NCOA2: variants seen among roughly 807,000 people sequenced by gnomAD.
NCOA2 encodes the protein nuclear receptor coactivator 2, also known as class E basic helix-loop-helix protein 75.
In NCOA2, 21 loss-of-function variants were observed where a neutral mutation model predicts 145.1. The ratio of observed to expected loss-of-function variants is 0.14; its 90% CI spans 0.10 to 0.21. The LOEUF (loss-of-function observed/expected upper bound fraction) is 0.21, where lower values mean the gene tolerates loss of function less well. Ranked by LOEUF, NCOA2 falls within the 10% of genes least tolerant of loss-of-function variation. The pLI is 1.00. For missense variants in NCOA2, 1,472 were observed against 1,837.6 expected, an observed-to-expected ratio of 0.80 and a Z score of 3.64; for synonymous variants, 619 against 637.5, an observed-to-expected ratio of 0.97 and a Z score of 0.44.
chr8:70,159,221 A>ATT (rs1228649683), intron 10 of NCOA2, among the ~76,000 whole-genome samples: 5,155 of 26,078 alleles, frequency 0.2, 218 homozygotes, highest in Non-Finnish European at 0.24. Flanking sequence ...ACAGTATAAC[A>ATT]TTATATATAT....
intron 1 of NCOA2, among the ~76,000 whole-genome samples, chr8:70,386,861 C>G (rs2131545888): frequency 6.6e-6 from 1 of 152,258 alleles, no homozygotes; most frequent in Non-Finnish European, 1.5e-5. Context: ...TGCAACAGGT[C>G]CATCCAGAGG....
intron 1 of NCOA2, among the ~76,000 whole-genome samples, chr8:70,378,395 G>C (rs116141262): frequency 6.6e-6 from 1 of 152,108 alleles, no homozygotes; most frequent in African/African-American, 2.4e-5. Context: ...GAGGGAAGTA[G>C]AGTCATAGGT....
chr8:70,386,503 T>C (rs964914327), intron 1 of NCOA2, among the ~76,000 whole-genome samples: 1 of 152,116 alleles, frequency 6.6e-6, no homozygotes, highest in African/African-American at 2.4e-5. Flanking sequence ...TGGAAACGCT[T>C]GTGGTAAAAT....
intron 2 of NCOA2, among the ~76,000 whole-genome samples, chr8:70,276,534 T>C (rs1825482154): frequency 6.6e-6 from 1 of 151,990 alleles, no homozygotes. Flanking sequence ...AATTGGGAGG[T>C]GGTTTCCCCC....
intron 2 of NCOA2, among the ~76,000 whole-genome samples, chr8:70,277,568 T>G (rs929879144): frequency 2.6e-5 from 4 of 152,176 alleles, no homozygotes; most frequent in Non-Finnish European, 5.9e-5. Flanking sequence ...TGGTGTTCTT[T>G]GGTAATGTTA....
the NCOA2 span, among the ~76,000 whole-genome samples, chr8:70,453,130 C>T: frequency 2.0e-5 from 3 of 152,334 alleles, no homozygotes; most frequent in South Asian, 6.2e-4. Context: ...GGAGCCTATT[C>T]GCCTAATGTT....
chr8:70,268,716 TTAAA>T (rs139866609), intron 2 of NCOA2, among the ~76,000 whole-genome samples: 1,712 of 152,284 alleles, frequency 0.011, 39 homozygotes, highest in African/African-American at 0.039. Flanking sequence ...TTTATTAATA[TTAAA>T]TGAGTTAGTA....
chr8:70,251,206 A>G (rs1369608366), intron 2 of NCOA2, among the ~76,000 whole-genome samples: 2 of 152,214 alleles, frequency 1.3e-5, no homozygotes, highest in African/African-American at 2.4e-5. Context: ...AACTGTGCTA[A>G]GCTAGCAGGG....
chr8:70,183,877 G>A (rs1446192896), intron 4 of NCOA2, among the ~76,000 whole-genome samples: 1 of 152,118 alleles, frequency 6.6e-6, no homozygotes, highest in Non-Finnish European at 1.5e-5. Flanking sequence ...GGCACATAGT[G>A]GGCGCTCAAT....
intron 1 of NCOA2, among the ~76,000 whole-genome samples, chr8:70,369,854 A>C (rs1811052130): frequency 6.6e-6 from 1 of 151,978 alleles, no homozygotes; most frequent in South Asian, 2.1e-4. Context: ...AAAGTACTAA[A>C]GGCAGAATAG....
intron 14 of NCOA2, among the ~76,000 whole-genome samples, chr8:70,140,694 G>A (rs1810304276): frequency 7.1e-6 from 1 of 140,706 alleles, no homozygotes; most frequent in Non-Finnish European, 1.5e-5. Context: ...CCACCTCCCA[G>A]GAAGTGATTC....
At chr8:70,332,909 G>A (rs1251684403) in intron 1 of NCOA2, among the ~76,000 whole-genome samples, 1 of 152,140 alleles carries the variant, frequency 6.6e-6, no homozygotes, top group Non-Finnish European at 1.5e-5. Context: ...TATTCATGGA[G>A]TACAATGCCT....
At chr8:70,274,671 T>G (rs1298979871) in intron 2 of NCOA2, among the ~76,000 whole-genome samples, 1 of 152,236 alleles carries the variant, frequency 6.6e-6, no homozygotes, top group Non-Finnish European at 1.5e-5. Context: ...CAAATATTTA[T>G]TCTCATATTT....
chr8:70,352,462 A>G (rs563341507), intron 1 of NCOA2, among the ~76,000 whole-genome samples: 1 of 152,240 alleles, frequency 6.6e-6, no homozygotes, highest in Non-Finnish European at 1.5e-5. Context: ...TTCCAGCACA[A>G]CAGTTAAAGT....
intron 1 of NCOA2, among the ~76,000 whole-genome samples, chr8:70,317,349 G>A (rs374404611): frequency 5.9e-5 from 9 of 152,094 alleles, no homozygotes; most frequent in Non-Finnish European, 1.2e-4. Context: ...TAAGACTGTC[G>A]TGAGAGGATA....
chr8:70,328,925 T>C (rs1001435138), intron 1 of NCOA2, among the ~76,000 whole-genome samples: 7 of 152,082 alleles, frequency 4.6e-5, no homozygotes, highest in Non-Finnish European at 1.0e-4. Flanking sequence ...CTACTAAAGC[T>C]CAATATACTT....
At chr8:70,438,308 G>T in the NCOA2 span, among the ~76,000 whole-genome samples, 1 of 152,056 alleles carries the variant, frequency 6.6e-6, no homozygotes, top group Non-Finnish European at 1.5e-5. Context: ...AAAGTGTATT[G>T]TAATTCAAAA....
chr8:70,179,950 G>T (rs563385246), intron 4 of NCOA2, among the ~76,000 whole-genome samples: 1 of 151,962 alleles, frequency 6.6e-6, no homozygotes, highest in African/African-American at 2.4e-5. Context: ...TTAAATTTTT[G>T]TTTTTGTTTT....
chr8:70,374,537 T>A (rs1226971634), intron 1 of NCOA2, among the ~76,000 whole-genome samples: 1 of 151,326 alleles, frequency 6.6e-6, no homozygotes, highest in Non-Finnish European at 1.5e-5. Context: ...GTGCTGTGGC[T>A]CACACCTGTT....
Sources: gnomAD v4.1 joint callset for allele counts (sites outside exome capture counted in the v4.1 genomes callset) on GRCh38, gnomAD v4.1.1 for gene constraint, MANE v1.5 for transcripts, NCBI Gene and HGNC (gene_info 2026-07-23, HGNC 2026-07-21) for gene names.